The following LANCL3 variants were observed in gnomAD, a reference collection of about 807,000 sequenced individuals.
LANCL3 encodes the protein LanC like family member 3.
LANCL3 carries 19 observed loss-of-function variants against 26.5 expected under a neutral mutation model. That is an observed-to-expected ratio of 0.72 (90% CI 0.50 to 1.05). The LOEUF (loss-of-function observed/expected upper bound fraction) is 1.05. LANCL3 is among the 50% of genes least tolerant of loss of function. The pLI, the probability that LANCL3 is intolerant of heterozygous loss-of-function variation, is 0.00. For missense variants in LANCL3, 318 were observed against 362.7 expected (o/e 0.88, Z 1.00); for synonymous variants, 160 against 166.6 (o/e 0.96, Z 0.30).
chrX:37,655,804 A>G lies in LANCL3; in HGVS notation c.690A>G (p.Glu230=). 8.3e-7 allele frequency: 1 copy of G among 1,206,504 alleles called. No individual in the cohort carries two copies. The highest frequency in any genetic ancestry group is 1.1e-6 in the Non-Finnish European group (1 of 892,183). ...TGATGTATTCTTACTATGGAACCGA[A>G]TACTTGGGTAAGTGAAGGTGTTTGC... is the stretch of plus-strand genomic sequence containing the variant. ...FPLMYSYYGT[E]YLGAAHGLSS... The change falls in exon 2 of 5, where the codon GAA becomes GAG. Residue 230 remains glutamate, a synonymous_variant. Coordinates refer to ENST00000378619, the MANE Select transcript of LANCL3 (RefSeq NM_001170331.2).
chrX:37,572,251 G>T lies in LANCL3; in HGVS notation c.381G>T (p.Val127=), dbSNP rs1484642342. The change falls in exon 1 of 5, where the codon GTG becomes GTT. Residue 127 remains valine (V), a synonymous_variant. Transcript: ENST00000378619. ...CCTTCCTGCTCGGGGGCGCGGGCGT[G>T]TACGCCGTGGCCACGCTCGTATACC... is the stretch of plus-strand genomic sequence containing the variant. ...RAAFLLGGAG[V]YAVATLVYHA... The T allele has an allele frequency of 8.7e-7, 1 of 1,148,183 alleles. No individual in the cohort carries two copies. The highest frequency in any genetic ancestry group is 2.6e-5 in the Admixed American group (1 of 39,084). The allele number at this position is 1,148,183 out of a possible 1,213,427, so 94.6% of individuals were successfully genotyped here. A position where few individuals can be genotyped will look rare whatever the true frequency, so the allele number is the denominator to read the frequency against.
chrX:37,583,343 G>A (rs781965238), intron 1 of LANCL3, among the ~76,000 whole-genome samples: 89 of 111,712 alleles, frequency 8.0e-4, no homozygotes, highest in African/African-American at 1.0e-3. Context: ...GTTTTTTCCA[G>A]TTCTGTGAAG....
intron 1 of LANCL3, among the ~76,000 whole-genome samples, chrX:37,600,774 G>T (rs1292348345): frequency 8.9e-6 from 1 of 111,904 alleles, no homozygotes; most frequent in Non-Finnish European, 1.9e-5. Context: ...TAAGCTCCTA[G>T]TTGATATCTG....
intron 1 of LANCL3, among the ~76,000 whole-genome samples, chrX:37,611,384 C>T (rs1924865718): frequency 2.7e-5 from 3 of 110,712 alleles, no homozygotes; most frequent in African/African-American, 9.9e-5. Flanking sequence ...TTTTTTGATC[C>T]TCCATCCCAA....
At chrX:37,672,508 A>AG (rs1327204929) in intron 4 of LANCL3, among the ~76,000 whole-genome samples, 7 of 112,009 alleles carry the variant, frequency 6.2e-5, no homozygotes, top group Non-Finnish European at 1.1e-4. Context: ...TTTATAGCAA[A>AG]GTTGCCTGCC....
At chrX:37,613,285 T>C (rs1438623824) in intron 1 of LANCL3, among the ~76,000 whole-genome samples, 1 of 111,141 alleles carries the variant, frequency 9.0e-6, no homozygotes, top group Non-Finnish European at 1.9e-5. Flanking sequence ...GGGGCTCTGT[T>C]GTTTAGCACA....
rs1926950573 is a variant in LANCL3, at chrX:37,682,106, T to A, written c.*6293T>A. 1 of 100,591 alleles carries A rather than the reference T, an allele frequency of 9.9e-6. No individual in the cohort carries two copies. Among genetic ancestry groups the A allele is most frequent in the Non-Finnish European group, 2.0e-5 (1 of 49,484 alleles). The allele number at this position is 100,591 out of a possible 1,213,427, so 8.3% of individuals were successfully genotyped here. A position where few individuals can be genotyped will look rare whatever the true frequency, so the allele number is the denominator to read the frequency against. Reference sequence around the variant, plus strand: ...TTTTATTTTTATTTTTATTTTTTTATTTTTTTTTTTTTTTGAGACGGAGTC... The same window carrying A: ...TTTTATTTTTATTTTTATTTTTTTAATTTTTTTTTTTTTTGAGACGGAGTC... On this transcript the variant is annotated 3_prime_UTR_variant, in exon 5 of 5. Coordinates refer to ENST00000378619, the MANE Select transcript of LANCL3 (RefSeq NM_001170331.2).
chrX:37,643,228 GATAAA>G (rs1925911437), intron 1 of LANCL3, among the ~76,000 whole-genome samples: 1 of 111,949 alleles, frequency 8.9e-6, no homozygotes, highest in Non-Finnish European at 1.9e-5. Flanking sequence ...TAGACATATT[GATAAA>G]ATAAAATGCC....
At chrX:37,620,803 GC>G (rs782001855) in intron 1 of LANCL3, among the ~76,000 whole-genome samples, 2 of 111,995 alleles carry the variant, frequency 1.8e-5, no homozygotes, top group African/African-American at 6.5e-5. Flanking sequence ...AGAGATAACA[GC>G]TGTTTGGAAC....
intron 1 of LANCL3, among the ~76,000 whole-genome samples, chrX:37,584,222 G>A (rs1314944962): frequency 9.0e-6 from 1 of 110,729 alleles, no homozygotes. Context: ...CGGTTTGCCA[G>A]CATTTTTTTG....
chrX:37,669,132 A>G (rs1926617660), intron 4 of LANCL3, among the ~76,000 whole-genome samples: 1 of 112,133 alleles, frequency 8.9e-6, no homozygotes, highest in Admixed American at 9.4e-5. Context: ...GTACATGTAT[A>G]TTTTAATGAG....
intron 1 of LANCL3, among the ~76,000 whole-genome samples, chrX:37,645,239 A>G (rs1419016579): frequency 8.9e-6 from 1 of 112,360 alleles, no homozygotes; most frequent in Non-Finnish European, 1.9e-5. Flanking sequence ...AAGGGAAAAG[A>G]AACAACTGTG....
At chrX:37,657,266 C>G (rs369001212) in intron 2 of LANCL3, among the ~76,000 whole-genome samples, 5 of 112,738 alleles carry the variant, frequency 4.4e-5, no homozygotes, top group Non-Finnish European at 7.5e-5. Flanking sequence ...AGATATGAAG[C>G]GGGAGCAAAG....
intron 1 of LANCL3, among the ~76,000 whole-genome samples, chrX:37,652,384 G>A (rs1926172327): frequency 9.0e-6 from 1 of 111,129 alleles, no homozygotes; most frequent in Admixed American, 9.5e-5. Flanking sequence ...TATAGTATGA[G>A]CTTTATTGCC....
chrX:37,583,615 G>C (rs1556417388), intron 1 of LANCL3, among the ~76,000 whole-genome samples: 1 of 111,756 alleles, frequency 8.9e-6, no homozygotes, highest in African/African-American at 3.3e-5. Context: ...TTGGCTCTCT[G>C]TTTGTCTATC....
At chrX:37,603,271 G>C (rs901512647) in intron 1 of LANCL3, among the ~76,000 whole-genome samples, 2 of 112,271 alleles carry the variant, frequency 1.8e-5, no homozygotes, top group Non-Finnish European at 3.8e-5. Flanking sequence ...TTTTCCAGGA[G>C]TTTTATGCAT....
At chrX:37,618,440 A>G (rs1394914029) in intron 1 of LANCL3, among the ~76,000 whole-genome samples, 2 of 111,993 alleles carry the variant, frequency 1.8e-5, no homozygotes, top group Admixed American at 1.9e-4. Context: ...TAGTGTGGTC[A>G]TAACAAAGTA....
At chrX:37,574,248 C>A (rs1447262018) in intron 1 of LANCL3, among the ~76,000 whole-genome samples, 2 of 110,470 alleles carry the variant, frequency 1.8e-5, no homozygotes, top group Non-Finnish European at 3.8e-5. Flanking sequence ...AGTTTTATAC[C>A]CCATCCCCTC....
At chrX:37,629,398 T>A (rs1223875277) in intron 1 of LANCL3, among the ~76,000 whole-genome samples, 2 of 109,669 alleles carry the variant, frequency 1.8e-5, no homozygotes, top group East Asian at 5.6e-4. Context: ...TTTTGTAGGT[T>A]GCCTGTTCAC....
Sources: allele counts gnomAD v4.1 joint callset (sites outside exome capture counted in the v4.1 genomes callset), GRCh38; gene constraint gnomAD v4.1.1; transcripts MANE v1.5; gene names NCBI Gene and HGNC (gene_info 2026-07-23, HGNC 2026-07-21).